Variants in VWDE observed in about 807,000 individuals in gnomAD.
The protein encoded by VWDE is von Willebrand factor D and EGF domains.
In VWDE, 207 loss-of-function variants were observed where a neutral mutation model predicts 178.4. The observed-to-expected ratio is 1.16, with a 90% CI of 1.04 to 1.30. The LOEUF is 1.30. Among genes scored for constraint, VWDE ranks in the 50% most tolerant of loss-of-function variants. VWDE has a pLI of 0.00. For missense variants in VWDE, 2,287 were observed against 1,901.3 expected (o/e 1.20, Z -3.77); for synonymous variants, 738 against 651.4 (o/e 1.13, Z -2.02).
At chr7:12,341,358 G>C (rs1264420046) in intron 23 of VWDE, among the ~76,000 whole-genome samples, 3 of 152,152 alleles carry the variant, frequency 2.0e-5, no homozygotes, top group Admixed American at 2.0e-4. Context: ...CTTACGCCGG[G>C]CGCAGTGGCT....
chr7:12,370,892 A>G lies in VWDE; in HGVS notation c.1588-28T>C, dbSNP rs755544977. ...GAAAAACAGAAATAAATACAGAAAT[A>G]AAAGATGTTGAAGCAATATTCAACC... On this transcript the variant is annotated intron_variant, in intron 10 of 28. Coordinates refer to ENST00000275358, the MANE Select transcript of VWDE (RefSeq NM_001135924.3). 4 of 1,472,618 alleles carry G rather than the reference A, an allele frequency of 2.7e-6. No homozygotes were observed. In the South Asian group the frequency reaches 4.2e-5, roughly 16 times the overall value. The allele number at this position is 1,472,618 out of a possible 1,614,324, so 91.2% of individuals were successfully genotyped here. A position where few individuals can be genotyped will look rare whatever the true frequency, so the allele number is the denominator to read the frequency against.
intron 19 of VWDE, among the ~76,000 whole-genome samples, chr7:12,349,746 G>C (rs567390218): frequency 2.4e-4 from 37 of 151,942 alleles, no homozygotes; most frequent in African/African-American, 8.2e-4. Context: ...CAAATAAATA[G>C]ATAACCTTTG....
At chr7:12,388,260 A>G (rs979245089) in intron 3 of VWDE, among the ~76,000 whole-genome samples, 2 of 152,278 alleles carry the variant, frequency 1.3e-5, no homozygotes, top group South Asian at 4.1e-4. Flanking sequence ...ACTACAAAAG[A>G]GAAGTGCTCT....
At chr7:12,377,540 A>T in intron 7 of VWDE, 1 of 311,902 alleles carries the variant, frequency 3.2e-6, no homozygotes, top group South Asian at 1.5e-4. Context: ...AGAGGAGATT[A>T]TTCACTATTT....
intron 12 of VWDE, 89 bp from the exon 13 acceptor site, chr7:12,367,582 T>C (rs1445206303): frequency 8.8e-7 from 1 of 1,130,190 alleles, no homozygotes; most frequent in Non-Finnish European, 1.2e-6. Context: ...ATTAAAAGCA[T>C]ATGGAAAATA....
At chr7:12,339,931 T>G (rs1357010330) in intron 24 of VWDE, among the ~76,000 whole-genome samples, 1 of 152,110 alleles carries the variant, frequency 6.6e-6, no homozygotes, top group Non-Finnish European at 1.5e-5. Flanking sequence ...TTAATGAAAC[T>G]AAGGTGAAAA....
intron 2 of VWDE, among the ~76,000 whole-genome samples, chr7:12,390,800 T>A (rs1386485842): frequency 6.6e-6 from 1 of 151,990 alleles, no homozygotes; most frequent in Non-Finnish European, 1.5e-5. Flanking sequence ...CTATTGGAAT[T>A]AAAAATTATC....
At chr7:12,389,447 C>G (rs866570440) in intron 2 of VWDE, 89 bp from the exon 3 acceptor site, 9 of 929,150 alleles carry the variant, frequency 9.7e-6, no homozygotes, top group Non-Finnish European at 1.3e-5. Flanking sequence ...TCTAATCAAG[C>G]CTTAAAATAT....
At chr7:12,365,008 A>G (rs1239984930) in intron 13 of VWDE, among the ~76,000 whole-genome samples, 1 of 152,116 alleles carries the variant, frequency 6.6e-6, no homozygotes, top group African/African-American at 2.4e-5. Flanking sequence ...ACATTCCACA[A>G]AATAACTGGC....
rs1783953184 is a variant in VWDE at position 12,383,470 on chromosome 7, A to G, written c.541+66T>C. 8 of 1,238,924 alleles carry G rather than the reference A, an allele frequency of 6.5e-6. No individual in the cohort carries two copies. In the Admixed American group the frequency reaches 1.4e-4, roughly 22 times the overall value. The allele number at this position is 1,238,924 out of a possible 1,614,324, so 76.7% of individuals were successfully genotyped here. On this transcript the variant is annotated intron_variant, in intron 4 of 28. Coordinates refer to ENST00000275358, the MANE Select transcript of VWDE (RefSeq NM_001135924.3). ...AATTCAACATCCAAAGCTGCAGAAT[A>G]TAATTATCTGTTGAAATAGTCTAGT...
intron 13 of VWDE, among the ~76,000 whole-genome samples, chr7:12,363,572 T>TGTTA (rs1451563947): frequency 6.6e-6 from 1 of 152,012 alleles, no homozygotes; most frequent in African/African-American, 2.4e-5. Context: ...ATGTAAAATA[T>TGTTA]GTTACACTTT....
chr7:12,370,513 C>A lies in VWDE; in HGVS notation c.1797-4G>T. ...CATGCTTTTTCCTGGTAAAATCCTT[C>A]CAGATGGAAAACAGGAAAGAATAGT... On this transcript the variant is annotated splice_polypyrimidine_tract_variant and splice_region_variant and intron_variant, in intron 11 of 28. Transcript: ENST00000275358. 1 of 1,534,332 alleles carries A rather than the reference C, an allele frequency of 6.5e-7. No homozygotes were observed. Among genetic ancestry groups the A allele is most frequent in the South Asian group, 1.2e-5 (1 of 82,940 alleles).
At chr7:12,331,296 A>G in intron 28 of VWDE, 99 bp from the exon 29 acceptor site, 1 of 1,000,382 alleles carries the variant, frequency 1.0e-6, no homozygotes, top group South Asian at 1.6e-5. Flanking sequence ...CATGATACGT[A>G]AAGCTCTTTT....
intron 2 of VWDE, among the ~76,000 whole-genome samples, chr7:12,389,946 T>A (rs937719803): frequency 2.0e-5 from 3 of 152,160 alleles, no homozygotes; most frequent in Non-Finnish European, 4.4e-5. Context: ...GCGGATTGCC[T>A]GAGGTCAGGA....
At chr7:12,398,427 G>A (rs1045894782) in intron 1 of VWDE, among the ~76,000 whole-genome samples, 4 of 152,122 alleles carry the variant, frequency 2.6e-5, no homozygotes, top group African/African-American at 9.7e-5. Flanking sequence ...CATCATGATT[G>A]CTTAACTGAT....
At chr7:12,340,054 T>A (rs1421576047) in intron 24 of VWDE, among the ~76,000 whole-genome samples, 1 of 152,190 alleles carries the variant, frequency 6.6e-6, no homozygotes, top group African/African-American at 2.4e-5. Context: ...GAACTTTGCT[T>A]ATCTGTTTCA....
intron 12 of VWDE, among the ~76,000 whole-genome samples, chr7:12,368,040 T>C (rs933174717): frequency 2.6e-5 from 4 of 151,690 alleles, no homozygotes; most frequent in Non-Finnish European, 5.9e-5. Context: ...GGGTAGAAAA[T>C]CACGTGTATT....
chr7:12,350,563 A>T (rs1781872635), intron 19 of VWDE, among the ~76,000 whole-genome samples: 1 of 152,138 alleles, frequency 6.6e-6, no homozygotes, highest in Non-Finnish European at 1.5e-5. Context: ...AAGAATTCCC[A>T]TACCATTAAC....
In VWDE at chr7:12,375,161, G is replaced by A. The variant is rs1380414789; in HGVS notation, c.1091C>T (p.Ser364Phe). The A allele has an allele frequency of 6.4e-7, 1 of 1,551,200 alleles. No individual in the cohort carries two copies. The highest frequency in any genetic ancestry group is 1.4e-5 in the African/African-American group (1 of 73,134). Residue 364 changes from serine to phenylalanine, a missense_variant, in exon 8 of 29, where the codon TCC (serine) becomes TTC (phenylalanine). Transcript: ENST00000275358. ...GTGGCTACAGGTTCCATTAGCACAGGAAGATGTCTGGAGAAGGTCCACATG... is the reference window on the plus strand; with the variant it reads ...GTGGCTACAGGTTCCATTAGCACAGAAAGATGTCTGGAGAAGGTCCACATG... ...SCHVDLLQTS[S>F]CANGTCSHTF...
Sources: allele counts gnomAD v4.1 joint callset (sites outside exome capture counted in the v4.1 genomes callset), GRCh38; gene constraint gnomAD v4.1.1; transcripts MANE v1.5; gene names NCBI Gene and HGNC (gene_info 2026-07-23, HGNC 2026-07-21).